The following EVPL variants were observed in gnomAD, a reference collection of about 807,000 sequenced individuals.
The protein encoded by EVPL is 210 kDa cornified envelope precursor protein.
Under a neutral mutation model 129.7 loss-of-function variants are expected in EVPL, and 94 were observed. The observed-to-expected ratio is 0.72, with a 90% CI of 0.61 to 0.86. The LOEUF is 0.86. EVPL is among the 40% of genes least tolerant of loss of function. EVPL has a pLI of 0.00. For synonymous variants in EVPL, 1,172 were observed against 1,191.1 expected (o/e 0.98, Z 0.33); for missense variants, 2,625 against 2,721.1 (o/e 0.96, Z 0.79).
In EVPL at chr17:76,011,646, T is replaced by C. The variant is rs371483432; in HGVS notation, c.2591A>G (p.Tyr864Cys). Residue 864 changes from tyrosine (Y) to cysteine (C), a missense_variant, in exon 21 of 22, where the codon TAT becomes TGT. Physicochemically the swap from Tyr to Cys is radical, Grantham distance 194. Around this residue, in one of 4 missense-constraint regions of EVPL, gnomAD observed 1,024 missense variants for 997.5 expected, o/e 1.03. Coordinates refer to ENST00000301607, the MANE Select transcript of EVPL (RefSeq NM_001988.4). ...QAQEKNLAKAYTEVAAAQQQL... is the reference protein window; with the variant it reads ...QAQEKNLAKACTEVAAAQQQL... ...CTGCTGTGCTGCTGCAACCTCAGTATAGGCCTTTGCAAGGTTCTTCTCCTG... is the reference window on the plus strand; with the variant it reads ...CTGCTGTGCTGCTGCAACCTCAGTACAGGCCTTTGCAAGGTTCTTCTCCTG... The C allele has an allele frequency of 2.5e-6, 4 of 1,614,066 alleles. No individual in the cohort carries two copies. Among genetic ancestry groups the C allele is most frequent in the Middle Eastern group, 1.6e-4 (1 of 6,084 alleles).
chr17:76,015,914 C>A (rs775454768), intron 14 of EVPL, among the ~76,000 whole-genome samples: 1 of 152,130 alleles, frequency 6.6e-6, no homozygotes, highest in African/African-American at 2.4e-5. Flanking sequence ...GAGGCCAAGG[C>A]GGGTGGGTTG....
At position 76,008,386 on chromosome 17, in the gene EVPL, G is replaced by C. The variant is rs1374543672; in HGVS notation, c.4819C>G (p.Gln1607Glu). 5 of 1,597,800 alleles carry C rather than the reference G, an allele frequency of 3.1e-6. No homozygotes were observed. Among genetic ancestry groups the C allele is most frequent in the Non-Finnish European group, 4.2e-6 (5 of 1,177,916 alleles). Residue 1607 changes from glutamine (Q) to glutamate (E), a missense_variant, in exon 22 of 22, where the codon CAG becomes GAG. Transcript: ENST00000301607. The surrounding 1 kb of genome is among the most constrained non-coding windows in gnomAD (Gnocchi z 7.4). ...QELRALERQK[Q>E]QQTLQLQEES... ...TCCTGCAGCTGCAGTGTCTGCTGCT[G>C]CTTCTGCCTCTCCAGAGCCCGCAGC...
rs780903951 is a variant in EVPL at position 76,015,410 on chromosome 17, C to A, written c.1889+40G>T. The A allele has an allele frequency of 1.2e-5, 19 of 1,604,744 alleles. No individual in the cohort carries two copies. In the Admixed American group the frequency reaches 3.2e-4, roughly 27 times the overall value. On this transcript the variant is annotated intron_variant, in intron 15 of 21. Transcript: ENST00000301607. The stretch of plus-strand genomic sequence containing the variant: ...GCTCAGACACTCCCTGGGCCACACG[C>A]TGCTGCCCTGCGTGGCTGCCCTGTC...
Position 76,010,452 on chromosome 17 carries a change from T to C in EVPL, c.2753A>G (p.Lys918Arg). 6.2e-7 allele frequency: 1 copy of C among 1,614,066 alleles called. No homozygotes were observed. The highest frequency in any genetic ancestry group is 8.5e-7 in the Non-Finnish European group (1 of 1,180,008). ...CTTCCTCTCCTCTTCCAGCTGGGCC[T>C]TCAGGGCCTCTGACTCTCTCCCTGC... ...AQAGRESEAL[K>R]AQLEEERKRV... The change falls in exon 22 of 22, where the codon AAG becomes AGG. Residue 918 changes from lysine to arginine, a missense_variant. Coordinates refer to ENST00000301607, the MANE Select transcript of EVPL (RefSeq NM_001988.4).
In EVPL at chr17:76,022,565, C is replaced by G. The variant is rs771356742; in HGVS notation, c.481-27G>C. ...TGCAGGAGAGCCGGCGGCTCAGTCC[C>G]CAAAGGACCGCGGTGGGGAGCCAGA... On this transcript the variant is annotated intron_variant, in intron 4 of 21. Coordinates refer to ENST00000301607, the MANE Select transcript of EVPL (RefSeq NM_001988.4). This position sits in a 1 kb window ranked among gnomAD's most constrained non-coding sequence, Gnocchi z 5.6. 1 of 1,582,204 alleles carries G rather than the reference C, an allele frequency of 6.3e-7. No individual in the cohort carries two copies. The highest frequency in any genetic ancestry group is 1.3e-5 in the African/African-American group (1 of 74,498).
At position 76,024,182 on chromosome 17, in the gene EVPL, G is replaced by C. The variant is rs1461318374; in HGVS notation, c.99-62C>G. Reference sequence around the variant, plus strand: ...AGAGGCCCCTCTGTGCCCCATCCAGGTGGCATCCCCTGCCCTCCCTCCACC... The same window carrying C: ...AGAGGCCCCTCTGTGCCCCATCCAGCTGGCATCCCCTGCCCTCCCTCCACC... On this transcript the variant is annotated intron_variant, in intron 1 of 21. Coordinates refer to ENST00000301607, the MANE Select transcript of EVPL (RefSeq NM_001988.4). The surrounding 1 kb of genome is among the most constrained non-coding windows in gnomAD (Gnocchi z 4.5). The C allele has an allele frequency of 4.6e-6, 7 of 1,518,396 alleles. No homozygotes were observed. The highest frequency in any genetic ancestry group is 1.4e-5 in the African/African-American group (1 of 72,698). The allele number at this position is 1,518,396 out of a possible 1,614,324, so 94.1% of individuals were successfully genotyped here. A position where few individuals can be genotyped will look rare whatever the true frequency, so the allele number is the denominator to read the frequency against.
At position 76,015,113 on chromosome 17, in the gene EVPL, C is replaced by T; in HGVS notation, c.2029-4G>A. On this transcript the variant is annotated splice_polypyrimidine_tract_variant and splice_region_variant and intron_variant, in intron 16 of 21. Transcript: ENST00000301607. Reference sequence around the variant, plus strand: ...CCAGCAGCTCCCTCCGCTGGCGCTGCAGGAGGAGGGGACGCAGCCGTGCAC... The same window carrying T: ...CCAGCAGCTCCCTCCGCTGGCGCTGTAGGAGGAGGGGACGCAGCCGTGCAC... 1 of 1,572,096 alleles carries T rather than the reference C, an allele frequency of 6.4e-7. No individual in the cohort carries two copies. Among genetic ancestry groups the T allele is most frequent in the Admixed American group, 1.7e-5 (1 of 59,354 alleles).
rs755625570 is a variant in EVPL, at chr17:76,024,250, GTC to G, written c.99-132_99-131del. 4 of 823,492 alleles carry G rather than the reference GTC, an allele frequency of 4.9e-6. No homozygotes were observed. The highest frequency in any genetic ancestry group is 5.3e-5 in the East Asian group (2 of 37,456). 51.0% of individuals were successfully genotyped at this position (823,492 alleles called of 1,614,324 possible). A position where few individuals can be genotyped will look rare whatever the true frequency, so the allele number is the denominator to read the frequency against. On this transcript the variant is annotated intron_variant, in intron 1 of 21. Transcript: ENST00000301607. The surrounding 1 kb of genome is among the most constrained non-coding windows in gnomAD (Gnocchi z 4.5). ...CCTAGCTCACTGCCCTGACTTTGGG[GTC>G]TCTCTCTGCAGAAGGCTCTGTGAGC...
intron 9 of EVPL, 21 bp from the exon 10 acceptor site, chr17:76,019,674 A>G: frequency 6.2e-7 from 1 of 1,607,470 alleles, no homozygotes; most frequent in Non-Finnish European, 8.5e-7. Flanking sequence ...TGGGTGGTCA[A>G]GGGCAGAGCC....
chr17:76,022,508 C>A lies in EVPL; in HGVS notation c.511G>T (p.Gly171Cys). The A allele has an allele frequency of 6.2e-7, 1 of 1,610,740 alleles. No homozygotes were observed. Among genetic ancestry groups the A allele is most frequent in the Non-Finnish European group, 8.5e-7 (1 of 1,178,916 alleles). ...KQVCAGQYGP[G>C]MAELEQQIAE... ...ATCTGTTGCTCCAGCTCCGCCATGC[C>A]CGGCCCGTACTGGCCTGCGCAGACC... Residue 171 changes from glycine to cysteine, a missense_variant, in exon 5 of 22, where the codon GGC becomes TGC. Transcript: ENST00000301607. The surrounding 1 kb of genome is among the most constrained non-coding windows in gnomAD (Gnocchi z 5.6).
chr17:76,014,367 G>A lies in EVPL; in HGVS notation c.2373+59C>T, dbSNP rs534646274. The A allele has an allele frequency of 2.6e-6, 4 of 1,560,676 alleles. No homozygotes were observed. In the South Asian group the frequency reaches 4.7e-5, roughly 18 times the overall value. On this transcript the variant is annotated intron_variant, in intron 18 of 21. Transcript: ENST00000301607. ...CTTTGAAGCCCCTTAGAGCGCTTCT[G>A]AGCTTTGGCCACTAGGGGGCCACAT...
rs1270546454 is a variant in EVPL, at chr17:76,024,626, A to G, written c.99-506T>C. 6.6e-6 allele frequency among the ~76,000 whole-genome samples: 1 copy of G among 151,980 alleles called. No homozygotes were observed. Among genetic ancestry groups the G allele is most frequent in the Non-Finnish European group, 1.5e-5 (1 of 67,980 alleles). ...CTCCACCCCAGGGAGCCTTGCCAGC[A>G]TGCTGGCTTCAGTAGCCATCTAGAG... On this transcript the variant is annotated intron_variant, in intron 1 of 21. Transcript: ENST00000301607. This position sits in a 1 kb window ranked among gnomAD's most constrained non-coding sequence, Gnocchi z 4.5.
intron 21 of EVPL, among the ~76,000 whole-genome samples, chr17:76,011,072 AAAAAC>A (rs542396059): frequency 8.3e-4 from 126 of 152,342 alleles, no homozygotes; most frequent in Admixed American, 1.8e-3. Context: ...AAAAAAAACA[AAAAAC>A]AAAAAAAAAG....
chr17:76,009,124 G>A lies in EVPL; in HGVS notation c.4081C>T (p.Leu1361=). ...TTCTCCTCGGGCTTCCTCCTCTCCA[G>A]CAGCAGGCGCTTGCTCTGCAGCTCG... The part of the protein sequence containing the change: ...VYELQSKRLL[L]ERRKPEEKVV... Residue 1361 remains leucine (L), a synonymous_variant, in exon 22 of 22, where the codon CTG becomes TTG. Transcript: ENST00000301607. This position sits in a 1 kb window ranked among gnomAD's most constrained non-coding sequence, Gnocchi z 5.9. 6.2e-7 allele frequency: 1 copy of A among 1,612,744 alleles called. No individual in the cohort carries two copies. Among genetic ancestry groups the A allele is most frequent in the Non-Finnish European group, 8.5e-7 (1 of 1,179,470 alleles).
intron 13 of EVPL, 46 bp from the exon 14 acceptor site, chr17:76,017,957 T>C (rs1467155397): frequency 1.2e-6 from 2 of 1,606,354 alleles, no homozygotes; most frequent in Non-Finnish European, 1.7e-6. Context: ...ATCTCCAGAC[T>C]GCCAGATAGG....
chr17:76,009,480 C>G lies in EVPL; in HGVS notation c.3725G>C (p.Arg1242Pro), dbSNP rs148100325. ...GTACTCCACCGTGGGCTTCTGGGCC[C>G]GCAGGACCTCCAGGTCGGGCAGCAG... ...EKLLPDLEVLRAQKPTVEYKE... is the reference protein window; with the variant it reads ...EKLLPDLEVLPAQKPTVEYKE... Residue 1242 changes from arginine to proline, a missense_variant, in exon 22 of 22, where the codon CGG becomes CCG. By Grantham distance (103) the Arg-to-Pro change is moderately radical (BLOSUM62 -2). This residue lies in a region of EVPL where 1,453 missense variants were observed against 1,511.8 expected (regional missense o/e 0.96). Transcript: ENST00000301607. The surrounding 1 kb of genome is among the most constrained non-coding windows in gnomAD (Gnocchi z 5.9). The G allele has an allele frequency of 6.2e-7, 1 of 1,614,132 alleles. No homozygotes were observed. Among genetic ancestry groups the G allele is most frequent in the Non-Finnish European group, 8.5e-7 (1 of 1,180,034 alleles).
At chr17:76,021,601 C>CCA in intron 8 of EVPL, 38 bp from the exon 9 acceptor site, 3 of 1,448,936 alleles carry the variant, frequency 2.1e-6, no homozygotes, top group Admixed American at 2.2e-5. Flanking sequence ...ACCACGCCCC[C>CCA]CCCACGTCCG....
rs1480548983 is a variant in EVPL at position 76,024,371 on chromosome 17, G to A, written c.99-251C>T. ...GTGTGGTGCTGGGGAGGGGGCAGGC[G>A]GCCTCGGTGTCCCAGCCTTAGCCAG... On this transcript the variant is annotated intron_variant, in intron 1 of 21. Coordinates refer to ENST00000301607, the MANE Select transcript of EVPL (RefSeq NM_001988.4). The surrounding 1 kb of genome is among the most constrained non-coding windows in gnomAD (Gnocchi z 4.5). Among the ~76,000 whole-genome samples the A allele has an allele frequency of 7.2e-5, 11 of 152,128 alleles. No homozygotes were observed. Among genetic ancestry groups the A allele is most frequent in the African/African-American group, 7.2e-5 (3 of 41,414 alleles).
At chr17:76,019,706 G>T in intron 9 of EVPL, 53 bp from the exon 10 acceptor site, 1 of 1,579,026 alleles carries the variant, frequency 6.3e-7, no homozygotes, top group South Asian at 1.2e-5. Flanking sequence ...GCTGCCCACT[G>T]ACCCTACAAA....
Sources: gnomAD v4.1 joint callset for allele counts (sites outside exome capture counted in the v4.1 genomes callset) on GRCh38, gnomAD v4.1.1 for gene constraint, gnomAD v4.1.1 regional missense constraint, Gnocchi (gnomAD v3.1) non-coding constraint, MANE v1.5 for transcripts, NCBI Gene and HGNC (gene_info 2026-07-23, HGNC 2026-07-21) for gene names.